CACNA2D1: variants seen among roughly 807,000 people sequenced by gnomAD.
CACNA2D1 encodes calcium voltage-gated channel auxiliary subunit alpha2delta 1, also known as voltage-dependent calcium channel subunit alpha-2/delta-1.
Under a neutral mutation model 171.5 loss-of-function variants are expected in CACNA2D1, and 53 were observed. The ratio of observed to expected loss-of-function variants is 0.31; its 90% CI spans 0.25 to 0.39. CACNA2D1 has a LOEUF of 0.39. CACNA2D1 is among the 10% of genes least tolerant of loss of function. CACNA2D1 has a pLI of 1.00. For missense variants in CACNA2D1, 903 were observed against 1,299.8 expected, an observed-to-expected ratio of 0.69 and a Z score of 4.69; for synonymous variants, 442 against 443.1, an observed-to-expected ratio of 1.00 and a Z score of 0.03.
rs554567387 is a variant in CACNA2D1 at position 82,338,233 on chromosome 7, C to T, written c.178-2982G>A. 1.7e-4 allele frequency among the ~76,000 whole-genome samples: 26 copies of T among 152,072 alleles called. 1 individual carries two copies. The South Asian group carries it at 5.0e-3, about 29-fold the overall frequency. ...TTGCTTAACAAAATTCCTAAAGAAACCTCTTGGAAATCATAATACAGATGC... is the reference window on the plus strand; with the variant it reads ...TTGCTTAACAAAATTCCTAAAGAAATCTCTTGGAAATCATAATACAGATGC... On this transcript the variant is annotated intron_variant, in intron 2 of 38. Transcript: ENST00000356860.
chr7:82,091,106 G>A (rs1297935848), intron 6 of CACNA2D1, among the ~76,000 whole-genome samples: 1 of 152,156 alleles, frequency 6.6e-6, no homozygotes, highest in African/African-American at 2.4e-5. Flanking sequence ...ACTTTAAGGA[G>A]TAGACAGTGT....
intron 15 of CACNA2D1, among the ~76,000 whole-genome samples, chr7:82,010,507 C>G (rs1385536380): frequency 2.0e-5 from 3 of 151,930 alleles, no homozygotes; most frequent in Non-Finnish European, 4.4e-5. Context: ...TAATGAACTT[C>G]CAGTCAAAGG....
chr7:82,134,108 T>C (rs1248182713), intron 5 of CACNA2D1, among the ~76,000 whole-genome samples: 2 of 151,784 alleles, frequency 1.3e-5, no homozygotes, highest in Admixed American at 6.6e-5. Flanking sequence ...TAAGTAAACA[T>C]ATATGTTCAT....
intron 6 of CACNA2D1, among the ~76,000 whole-genome samples, chr7:82,116,542 T>C (rs909733116): frequency 6.6e-6 from 1 of 152,158 alleles, no homozygotes; most frequent in African/African-American, 2.4e-5. Flanking sequence ...AGGAAGGTAC[T>C]CTTTACCTAT....
intron 38 of CACNA2D1, among the ~76,000 whole-genome samples, chr7:81,951,568 C>T (rs1242250882): frequency 1.3e-5 from 2 of 152,080 alleles, no homozygotes; most frequent in African/African-American, 4.8e-5. Context: ...GCTTAGCTCC[C>T]ACTTAGAAGT....
intron 12 of CACNA2D1, among the ~76,000 whole-genome samples, chr7:82,018,453 C>T (rs1800775655): frequency 6.6e-6 from 1 of 152,098 alleles, no homozygotes. Flanking sequence ...TTGCATTTTG[C>T]AATTTGGGCT....
intron 3 of CACNA2D1, among the ~76,000 whole-genome samples, chr7:82,308,115 T>G (rs1239663796): frequency 1.3e-5 from 2 of 152,162 alleles, no homozygotes; most frequent in Non-Finnish European, 2.9e-5. Context: ...AACTAAAACT[T>G]CATTGGCCTT....
At chr7:82,310,234 A>G (rs1814258457) in intron 3 of CACNA2D1, among the ~76,000 whole-genome samples, 1 of 151,818 alleles carries the variant, frequency 6.6e-6, no homozygotes, top group Non-Finnish European at 1.5e-5. Flanking sequence ...TAATATTTAA[A>G]TTAATATAAT....
intron 2 of CACNA2D1, among the ~76,000 whole-genome samples, chr7:82,349,195 T>A (rs117410799): frequency 0.012 from 1,812 of 152,256 alleles, 18 homozygotes; most frequent in Middle Eastern, 0.02. Flanking sequence ...TTCAAAAGAA[T>A]CCATCACAGG....
At chr7:82,096,163 C>A (rs922925905) in intron 6 of CACNA2D1, among the ~76,000 whole-genome samples, 1 of 152,140 alleles carries the variant, frequency 6.6e-6, no homozygotes, top group South Asian at 2.1e-4. Flanking sequence ...AAGAACCAGG[C>A]GGTAAATGTT....
At chr7:82,343,863 G>A (rs574623887) in intron 2 of CACNA2D1, among the ~76,000 whole-genome samples, 47 of 152,140 alleles carry the variant, frequency 3.1e-4, no homozygotes, top group Non-Finnish European at 1.3e-4. Context: ...AACCCCAAAC[G>A]ACCTAAATAT....
intron 4 of CACNA2D1, among the ~76,000 whole-genome samples, chr7:82,137,966 C>G (rs902863555): frequency 3.3e-5 from 5 of 152,068 alleles, no homozygotes. Context: ...TCCCTTTCCC[C>G]CTCCCCGCAA....
chr7:82,432,940 C>A (rs1164774616), intron 1 of CACNA2D1, among the ~76,000 whole-genome samples: 1 of 152,176 alleles, frequency 6.6e-6, no homozygotes, highest in Non-Finnish European at 1.5e-5. Context: ...AATCCTAGCA[C>A]TTTGGGAGGC....
intron 18 of CACNA2D1, among the ~76,000 whole-genome samples, chr7:82,000,771 CTTTTTTTTTTTTTTTTTTTTTT>C (rs774565705): frequency 2.3e-4 from 12 of 51,958 alleles, no homozygotes; most frequent in South Asian, 9.6e-4. Flanking sequence ...ATTTTTCTTT[CTTTTTTTTTTTTTTTTTTTTTT>C]TTTTTTTTTT....
intron 1 of CACNA2D1, among the ~76,000 whole-genome samples, chr7:82,430,077 T>C (rs1037889486): frequency 6.6e-6 from 1 of 152,180 alleles, no homozygotes; most frequent in African/African-American, 2.4e-5. Context: ...ATAAAAATTT[T>C]ACACATTCTT....
At chr7:81,963,895 G>A (rs1794429589) in intron 34 of CACNA2D1, among the ~76,000 whole-genome samples, 161 bp downstream of exon 34, 1 of 151,820 alleles carries the variant, frequency 6.6e-6, no homozygotes, top group Non-Finnish European at 1.5e-5. Flanking sequence ...GTTCACTTAG[G>A]AAAAACTATA....
At chr7:82,055,155 A>G (rs1805664242) in intron 10 of CACNA2D1, among the ~76,000 whole-genome samples, 1 of 152,176 alleles carries the variant, frequency 6.6e-6, no homozygotes, top group Non-Finnish European at 1.5e-5. Flanking sequence ...TCAGAACATC[A>G]ATAGGCAAGG....
intron 1 of CACNA2D1, among the ~76,000 whole-genome samples, chr7:82,382,436 G>A (rs1190737268): frequency 2.0e-5 from 3 of 152,206 alleles, no homozygotes; most frequent in African/African-American, 4.8e-5. Flanking sequence ...TTTCCCAGCA[G>A]TGATCTTGGG....
At chr7:82,339,406 T>C (rs1467605111) in intron 2 of CACNA2D1, among the ~76,000 whole-genome samples, 3 of 152,232 alleles carry the variant, frequency 2.0e-5, no homozygotes, top group Non-Finnish European at 4.4e-5. Context: ...TCAAGATTTC[T>C]GCCATATCCA....
Sources: gnomAD v4.1 joint callset for allele counts (sites outside exome capture counted in the v4.1 genomes callset) on GRCh38, gnomAD v4.1.1 for gene constraint, MANE v1.5 for transcripts, NCBI Gene and HGNC (gene_info 2026-07-23, HGNC 2026-07-21) for gene names.